MYBL2: variants seen among roughly 807,000 people sequenced by gnomAD.
MYBL2 encodes the protein myb-related protein B.
A neutral mutation model predicts 79.9 loss-of-function variants in MYBL2; 28 were observed. That is an observed-to-expected ratio of 0.35 (90% CI 0.26 to 0.48). The LOEUF is 0.48. MYBL2 is among the 20% of genes least tolerant of loss of function. The probability of loss-of-function intolerance (pLI) is 0.99; values close to 1 mark genes in which losing one functional copy is unlikely to be tolerated. For synonymous variants in MYBL2, 378 were observed against 361.2 expected (o/e 1.05, Z -0.53); for missense variants, 735 against 893.9 (o/e 0.82, Z 2.27).
At chr20:43,684,036 C>T (rs1987208453) in intron 4 of MYBL2, among the ~76,000 whole-genome samples, 2 of 151,956 alleles carry the variant, frequency 1.3e-5, no homozygotes, top group African/African-American at 4.8e-5. Context: ...CCAAGCAATC[C>T]TCCCACCTCA....
Position 43,686,867 on chromosome 20 carries a change from A to T in MYBL2, c.295A>T (p.Lys99Ter), listed in dbSNP as rs1165924183. 1 of 1,614,028 alleles carries T rather than the reference A, an allele frequency of 6.2e-7. No homozygotes were observed. The highest frequency in any genetic ancestry group is 8.5e-7 in the Non-Finnish European group (1 of 1,180,020). The stretch of plus-strand genomic sequence containing the variant: ...TTTCTCTAAGGTCATCGAGCTGGTT[A>T]AGAAGTATGGCACAAAGCAGTGGAC... ...EEDQKVIELV[K>*]KYGTKQWTLI... Residue 99 changes from lysine to a stop codon, truncating the protein, a stop_gained, in exon 5 of 14, where the codon AAG becomes TAG. Transcript: ENST00000217026. LOFTEE classifies it high-confidence loss of function.
At chr20:43,709,336 G>T (rs573598754) in intron 9 of MYBL2, among the ~76,000 whole-genome samples, 64 of 152,328 alleles carry the variant, frequency 4.2e-4, no homozygotes, top group Non-Finnish European at 1.5e-5. Context: ...CAGCCCTGGC[G>T]CTCTGGGGCG....
chr20:43,693,009 A>C (rs1987449021), intron 6 of MYBL2, among the ~76,000 whole-genome samples: 1 of 152,124 alleles, frequency 6.6e-6, no homozygotes, highest in Non-Finnish European at 1.5e-5. Context: ...AGAAATTAAC[A>C]ATTAAAATCC....
At chr20:43,710,333 G>A (rs934270287) in intron 10 of MYBL2, among the ~76,000 whole-genome samples, 5 of 152,194 alleles carry the variant, frequency 3.3e-5, no homozygotes, top group Non-Finnish European at 5.9e-5. Context: ...CAGGATGGGG[G>A]AGACTGATGT....
chr20:43,696,759 ACT>A (rs1392026633), intron 6 of MYBL2, among the ~76,000 whole-genome samples: 3 of 152,042 alleles, frequency 2.0e-5, no homozygotes, highest in Non-Finnish European at 2.9e-5. Context: ...ATGGGGTCTC[ACT>A]CTGTTGCCAG....
At chr20:43,690,441 G>A (rs1987380014) in intron 5 of MYBL2, among the ~76,000 whole-genome samples, 2 of 152,092 alleles carry the variant, frequency 1.3e-5, no homozygotes, top group African/African-American at 4.8e-5. Context: ...CCTGACCTTA[G>A]GTGATCTGCT....
At position 43,678,868 on chromosome 20, in the gene MYBL2, AAAAAAAG is replaced by A. The variant is rs1381828418; in HGVS notation, c.115-2909_115-2903del. 5.5e-4 allele frequency among the ~76,000 whole-genome samples: 76 copies of A among 138,098 alleles called. 1 individual carries two copies. Among genetic ancestry groups the A allele is most frequent in the African/African-American group, 1.7e-3 (58 of 34,470 alleles). The allele number at this position is 138,098 out of a possible 152,430, so 90.6% of individuals were successfully genotyped here. A position where few individuals can be genotyped will look rare whatever the true frequency, so the allele number is the denominator to read the frequency against. On this transcript the variant is annotated intron_variant, in intron 2 of 13. Coordinates refer to ENST00000217026, the MANE Select transcript of MYBL2 (RefSeq NM_002466.4). ...GCAAAACTCCGTCTCAAAAAAAAAA[AAAAAAAG>A]AAAAAAACATATAGAGCACAGGCTG...
chr20:43,705,199 C>G lies in MYBL2; in HGVS notation c.1366-20C>G, dbSNP rs1987752877. ...ATGCAGGTCATCATTTTGTCTTGTT[C>G]CCTCTCTCTTCTTTGGCAGTTTCTG... On this transcript the variant is annotated intron_variant, in intron 8 of 13. Coordinates refer to ENST00000217026, the MANE Select transcript of MYBL2 (RefSeq NM_002466.4). 1 of 1,612,372 alleles carries G rather than the reference C, an allele frequency of 6.2e-7. No homozygotes were observed. Among genetic ancestry groups the G allele is most frequent in the Non-Finnish European group, 8.5e-7 (1 of 1,179,208 alleles).
chr20:43,694,302 A>G (rs1987480506), intron 6 of MYBL2, among the ~76,000 whole-genome samples: 1 of 152,178 alleles, frequency 6.6e-6, no homozygotes, highest in Admixed American at 6.5e-5. Context: ...ACTGCACTCC[A>G]GCCTGGGTGA....
At chr20:43,688,702 C>T (rs1987335889) in intron 5 of MYBL2, among the ~76,000 whole-genome samples, 1 of 152,166 alleles carries the variant, frequency 6.6e-6, no homozygotes, top group Admixed American at 6.6e-5. Flanking sequence ...AGGCTGGTCC[C>T]AAAGTGCTGG....
At chr20:43,683,997 C>T (rs1317933391) in intron 4 of MYBL2, among the ~76,000 whole-genome samples, 2 of 152,066 alleles carry the variant, frequency 1.3e-5, no homozygotes, top group Non-Finnish European at 1.5e-5. Flanking sequence ...GACATAATCA[C>T]GGCTCATTGC....
chr20:43,715,600 G>T (rs1452030115), intron 13 of MYBL2, among the ~76,000 whole-genome samples: 2 of 152,168 alleles, frequency 1.3e-5, no homozygotes, highest in East Asian at 3.9e-4. Context: ...CATTATCCCT[G>T]TATTTGGTTT....
chr20:43,685,778 C>T (rs1179024834), intron 4 of MYBL2, among the ~76,000 whole-genome samples: 2 of 151,474 alleles, frequency 1.3e-5, no homozygotes, highest in Non-Finnish European at 2.9e-5. Context: ...TGGCTCACGC[C>T]TATAATCCCA....
intron 6 of MYBL2, among the ~76,000 whole-genome samples, chr20:43,697,687 A>G (rs1394627209): frequency 6.6e-6 from 1 of 152,096 alleles, no homozygotes; most frequent in Non-Finnish European, 1.5e-5. Flanking sequence ...GCGGATCACG[A>G]GGTCAGGAGA....
intron 4 of MYBL2, among the ~76,000 whole-genome samples, chr20:43,684,568 G>T (rs1432542492): frequency 4.0e-5 from 6 of 150,370 alleles, no homozygotes; most frequent in African/African-American, 1.2e-4. Context: ...TAGAGACAGG[G>T]TCTTCCTATG....
At chr20:43,691,970 T>C (rs73276044) in intron 5 of MYBL2, among the ~76,000 whole-genome samples, 187 bp from the exon 6 acceptor site, 4,605 of 152,192 alleles carry the variant, frequency 0.03, 242 homozygotes, top group African/African-American at 0.1. Context: ...TTCGTGGAAA[T>C]GCTCTGTAAA....
At chr20:43,687,411 G>T (rs530412553) in intron 5 of MYBL2, among the ~76,000 whole-genome samples, 1 of 152,200 alleles carries the variant, frequency 6.6e-6, no homozygotes, top group South Asian at 2.1e-4. Flanking sequence ...CACAGAATAG[G>T]CTTGAGATGT....
intron 2 of MYBL2, 41 bp downstream of exon 2, chr20:43,673,940 G>T: frequency 6.6e-7 from 1 of 1,505,768 alleles, no homozygotes; most frequent in African/African-American, 1.4e-5. Flanking sequence ...GCAGCTGGGG[G>T]CTGTCCAGAG....
At chr20:43,712,070 T>G (rs1987920389) in intron 11 of MYBL2, among the ~76,000 whole-genome samples, 1 of 148,812 alleles carries the variant, frequency 6.7e-6, no homozygotes, top group African/African-American at 2.5e-5. Context: ...CCTGGCTGAG[T>G]GTCAAGCTGC....
Sources: gnomAD v4.1 joint callset for allele counts (sites outside exome capture counted in the v4.1 genomes callset) on GRCh38, gnomAD v4.1.1 for gene constraint, MANE v1.5 for transcripts, NCBI Gene and HGNC (gene_info 2026-07-23, HGNC 2026-07-21) for gene names.